Variants in NLGN1 observed in about 807,000 individuals in gnomAD.
NLGN1 encodes the protein neuroligin 1, also known as neuroligin-1.
A neutral mutation model predicts 65.5 loss-of-function variants in NLGN1; 12 were observed. That is an observed-to-expected ratio of 0.18 (90% confidence interval 0.12 to 0.30). The LOEUF is 0.30. Ranked by LOEUF, NLGN1 falls within the 10% of genes least tolerant of loss-of-function variation. NLGN1 has a pLI of 1.00. For synonymous variants in NLGN1, 350 were observed against 359.5 expected (o/e 0.97, Z 0.30); for missense variants, 750 against 1,007.1 (o/e 0.74, Z 3.46).
intron 2 of NLGN1, among the ~76,000 whole-genome samples, chr3:173,441,456 T>G (rs1463041643): frequency 6.6e-6 from 1 of 152,200 alleles, no homozygotes; most frequent in East Asian, 1.9e-4. Flanking sequence ...TATGTGACTC[T>G]CCTTTCACTT....
At chr3:173,741,967 C>A (rs376869861) in intron 3 of NLGN1, among the ~76,000 whole-genome samples, 1 of 152,102 alleles carries the variant, frequency 6.6e-6, no homozygotes, top group Non-Finnish European at 1.5e-5. Context: ...TTCCCACCCC[C>A]TCTAGGCCCT....
chr3:173,904,368 T>A (rs552147368), intron 4 of NLGN1, among the ~76,000 whole-genome samples: 1 of 152,310 alleles, frequency 6.6e-6, no homozygotes, highest in East Asian at 1.9e-4. Context: ...CATAGGAAGA[T>A]ATCTCTAGGA....
intron 3 of NLGN1, among the ~76,000 whole-genome samples, chr3:173,660,177 A>C (rs997666027): frequency 1.3e-5 from 2 of 151,920 alleles, no homozygotes; most frequent in Non-Finnish European, 2.9e-5. Flanking sequence ...ATAGAGCTTT[A>C]TCTTTTCCAC....
intron 4 of NLGN1, among the ~76,000 whole-genome samples, chr3:174,050,989 A>G (rs1221732433): frequency 1.3e-5 from 2 of 152,028 alleles, no homozygotes; most frequent in Non-Finnish European, 2.9e-5. Flanking sequence ...GGAATTATAC[A>G]ATCAGCAAAG....
intron 3 of NLGN1, among the ~76,000 whole-genome samples, chr3:173,722,400 G>A (rs966818479): frequency 1.3e-5 from 2 of 151,642 alleles, no homozygotes; most frequent in Admixed American, 6.6e-5. Flanking sequence ...CTGCCACCAC[G>A]CCCGACTAAT....
In NLGN1 at chr3:173,720,386, G is replaced by C. The variant is rs115082497; in HGVS notation, c.494-87294G>C. 8.9e-3 allele frequency among the ~76,000 whole-genome samples: 1,356 copies of C among 152,062 alleles called. 17 individuals carry two copies. The highest frequency in any genetic ancestry group is 0.032 in the African/African-American group (1,309 of 41,492). On this transcript the variant is annotated intron_variant, in intron 3 of 6. Coordinates refer to ENST00000457714, the Ensembl canonical transcript of NLGN1. The stretch of plus-strand genomic sequence containing the variant: ...GTGACCGGAAGGTCAGTTATTTTTT[G>C]TCCTGTATTATAAATGGTTATTGAT...
intron 4 of NLGN1, among the ~76,000 whole-genome samples, chr3:174,052,133 G>A (rs1465856071): frequency 1.3e-5 from 2 of 151,922 alleles, no homozygotes; most frequent in African/African-American, 2.4e-5. Flanking sequence ...ATGTCACTGG[G>A]CTTTTTTTCT....
intron 4 of NLGN1, among the ~76,000 whole-genome samples, chr3:174,061,687 A>C (rs943560510): frequency 1.3e-5 from 2 of 152,168 alleles, no homozygotes; most frequent in Non-Finnish European, 1.5e-5. Context: ...ATTTAACATA[A>C]AAATAACATC....
intron 4 of NLGN1, among the ~76,000 whole-genome samples, chr3:174,271,206 A>G (rs976867803): frequency 4.6e-5 from 7 of 151,868 alleles, no homozygotes; most frequent in African/African-American, 1.7e-4. Flanking sequence ...ATATGCTCCT[A>G]CCTTAAAAAA....
intron 2 of NLGN1, among the ~76,000 whole-genome samples, chr3:173,448,078 G>T (rs1462494776): frequency 6.6e-6 from 1 of 152,196 alleles, no homozygotes; most frequent in African/African-American, 2.4e-5. Context: ...GATTGCCCTG[G>T]CCAGAACTTC....
rs532936413 is a variant in NLGN1, at chr3:173,512,170, C to T, written c.-321+77092C>T. Among the ~76,000 whole-genome samples, 8 of 152,334 alleles carry T rather than the reference C, an allele frequency of 5.3e-5. No individual in the cohort carries two copies. In the East Asian group the frequency reaches 1.5e-3, roughly 29 times the overall value. On this transcript the variant is annotated intron_variant, in intron 2 of 6. Coordinates refer to ENST00000457714, the Ensembl canonical transcript of NLGN1. Reference sequence around the variant, plus strand: ...TCTGTAGACAGCAGTGTGTTATCAGCTCAGTGGGCCCTTTGTCTTGTAGCA... The same window carrying T: ...TCTGTAGACAGCAGTGTGTTATCAGTTCAGTGGGCCCTTTGTCTTGTAGCA...
intron 2 of NLGN1, among the ~76,000 whole-genome samples, chr3:173,511,561 C>T (rs1361981548): frequency 1.3e-5 from 2 of 151,406 alleles, no homozygotes; most frequent in Non-Finnish European, 2.9e-5. Context: ...TCAAATATTG[C>T]TTCTGTTTCT....
chr3:174,265,314 G>A (rs1477118445), intron 4 of NLGN1, among the ~76,000 whole-genome samples: 1 of 151,808 alleles, frequency 6.6e-6, no homozygotes, highest in Non-Finnish European at 1.5e-5. Context: ...TCAGACTGCT[G>A]TGCTAGCAAT....
chr3:173,422,507 C>T (rs1249164920), intron 1 of NLGN1, among the ~76,000 whole-genome samples: 2 of 152,134 alleles, frequency 1.3e-5, no homozygotes, highest in African/African-American at 2.4e-5. Context: ...ATTGCCAGGT[C>T]ATATGGTATT....
intron 3 of NLGN1, among the ~76,000 whole-genome samples, chr3:173,665,462 G>A (rs2149708800): frequency 6.6e-6 from 1 of 152,214 alleles, no homozygotes; most frequent in East Asian, 1.9e-4. Context: ...GCTTGAGAAT[G>A]CACTAGTACA....
At chr3:173,480,161 C>T (rs9827882) in intron 2 of NLGN1, among the ~76,000 whole-genome samples, 1,597 of 151,326 alleles carry the variant, frequency 0.011, 29 homozygotes, top group African/African-American at 0.037. Context: ...CTCTTTTTTT[C>T]CCCCCTTTTT....
intron 2 of NLGN1, among the ~76,000 whole-genome samples, chr3:173,495,239 G>A (rs116334566): frequency 0.047 from 7,049 of 151,528 alleles, 247 homozygotes; most frequent in Non-Finnish European, 0.066. Context: ...ATATTTTATG[G>A]TGATGCTATT....
intron 2 of NLGN1, among the ~76,000 whole-genome samples, chr3:173,583,268 A>C (rs1238744449): frequency 6.6e-6 from 1 of 152,234 alleles, no homozygotes; most frequent in East Asian, 1.9e-4. Context: ...TCCACAAAAA[A>C]ATTGTAGTAG....
At chr3:173,773,069 A>G (rs1017292950) in intron 3 of NLGN1, among the ~76,000 whole-genome samples, 15 of 152,106 alleles carry the variant, frequency 9.9e-5, no homozygotes, top group African/African-American at 3.4e-4. Flanking sequence ...TTCTCTATCA[A>G]TCAGTGAAAG....
Sources: allele counts gnomAD v4.1 joint callset (sites outside exome capture counted in the v4.1 genomes callset), GRCh38; gene constraint gnomAD v4.1.1; transcripts MANE v1.5; gene names NCBI Gene and HGNC (gene_info 2026-07-23, HGNC 2026-07-21).